The following DLG2 variants were observed in gnomAD, a reference collection of about 807,000 sequenced individuals.
DLG2 encodes disks large homolog 2.
In DLG2, 45 loss-of-function variants were observed where a neutral mutation model predicts 132.5. The observed-to-expected ratio is 0.34, with a 90% CI of 0.27 to 0.44. The LOEUF (loss-of-function observed/expected upper bound fraction) is 0.44. DLG2 is among the 20% of genes least tolerant of loss of function. The pLI, the probability that DLG2 is intolerant of heterozygous loss-of-function variation, is 1.00. For missense variants in DLG2, 1,045 were observed against 1,196.9 expected (o/e 0.87, Z 1.87); for synonymous variants, 424 against 419.6 (o/e 1.01, Z -0.13).
At chr11:84,089,870 C>A (rs748894070) in intron 10 of DLG2, among the ~76,000 whole-genome samples, 2 of 152,244 alleles carry the variant, frequency 1.3e-5, no homozygotes, top group Middle Eastern at 3.4e-3. Flanking sequence ...GCTGTGGATG[C>A]CTTTAATAAA....
intron 7 of DLG2, among the ~76,000 whole-genome samples, chr11:84,456,748 T>C (rs1322188761): frequency 6.6e-6 from 1 of 151,284 alleles, no homozygotes; most frequent in Non-Finnish European, 1.5e-5. Flanking sequence ...TTCACTTATT[T>C]ATTTTGTTTC....
At chr11:83,466,134 C>G (rs1024769775) in intron 26 of DLG2, among the ~76,000 whole-genome samples, 1 of 152,072 alleles carries the variant, frequency 6.6e-6, no homozygotes, top group African/African-American at 2.4e-5. Flanking sequence ...TAAGAAAACT[C>G]TATTAAGAAC....
chr11:83,595,700 T>G (rs1016975322), intron 19 of DLG2, among the ~76,000 whole-genome samples: 1 of 152,224 alleles, frequency 6.6e-6, no homozygotes, highest in Non-Finnish European at 1.5e-5. Context: ...TCCAGCCTTT[T>G]GGAGACACCA....
chr11:84,949,166 G>A (rs144882202), intron 6 of DLG2, among the ~76,000 whole-genome samples: 142 of 152,220 alleles, frequency 9.3e-4, no homozygotes, highest in Non-Finnish European at 1.1e-3. Context: ...CACATTGGTA[G>A]GATCCGTGAT....
At chr11:85,401,987 A>AC (rs1321053673) in intron 3 of DLG2, among the ~76,000 whole-genome samples, 1 of 151,364 alleles carries the variant, frequency 6.6e-6, no homozygotes, top group African/African-American at 2.4e-5. Context: ...TTAATAAAAA[A>AC]CTACTTTTAA....
chr11:84,192,466 C>T (rs954246952), intron 8 of DLG2, among the ~76,000 whole-genome samples: 5 of 152,178 alleles, frequency 3.3e-5, no homozygotes, highest in Non-Finnish European at 5.9e-5. Context: ...CACGGTGGCT[C>T]ACGCCTCTAA....
intron 6 of DLG2, among the ~76,000 whole-genome samples, chr11:84,586,150 CA>C (rs71036429): frequency 2.2e-4 from 30 of 133,356 alleles, no homozygotes; most frequent in Non-Finnish European, 2.5e-4. Flanking sequence ...GATTCTGACT[CA>C]AAAAAAAAAA....
At chr11:84,004,115 A>T (rs1243569887) in intron 11 of DLG2, among the ~76,000 whole-genome samples, 1 of 152,070 alleles carries the variant, frequency 6.6e-6, no homozygotes, top group African/African-American at 2.4e-5. Flanking sequence ...TGATACCAAA[A>T]CCTAAGGACA....
intron 6 of DLG2, among the ~76,000 whole-genome samples, chr11:84,859,138 C>G (rs1257736484): frequency 6.6e-6 from 1 of 151,598 alleles, no homozygotes; most frequent in Non-Finnish European, 1.5e-5. Flanking sequence ...TTCTTGCAAC[C>G]TAGTAGGTAA....
At chr11:84,090,532 A>G (rs938006904) in intron 10 of DLG2, among the ~76,000 whole-genome samples, 4 of 152,212 alleles carry the variant, frequency 2.6e-5, no homozygotes, top group Admixed American at 2.6e-4. Context: ...CTCTTAATCA[A>G]GTAAATGCAA....
intron 3 of DLG2, among the ~76,000 whole-genome samples, chr11:85,402,493 G>T (rs1284240554): frequency 6.6e-6 from 1 of 152,104 alleles, no homozygotes; most frequent in African/African-American, 2.4e-5. Context: ...AGACAAATGG[G>T]ATCTAATTAA....
At chr11:84,447,373 G>T (rs893666306) in intron 7 of DLG2, among the ~76,000 whole-genome samples, 1 of 152,038 alleles carries the variant, frequency 6.6e-6, no homozygotes, top group African/African-American at 2.4e-5. Context: ...AATCACAATA[G>T]TCTAGACAGA....
intron 6 of DLG2, among the ~76,000 whole-genome samples, chr11:85,011,130 C>G (rs1006290676): frequency 3.9e-5 from 6 of 152,108 alleles, no homozygotes; most frequent in African/African-American, 1.4e-4. Flanking sequence ...TACAAACAAG[C>G]CTTGAGCATT....
intron 9 of DLG2, among the ~76,000 whole-genome samples, chr11:84,130,226 G>C (rs1008943598): frequency 2.0e-5 from 3 of 151,788 alleles, no homozygotes; most frequent in African/African-American, 7.3e-5. Flanking sequence ...TTAATAAAAT[G>C]TTTCAAAGTA....
At chr11:84,286,369 A>G (rs918626515) in intron 7 of DLG2, among the ~76,000 whole-genome samples, 1 of 152,174 alleles carries the variant, frequency 6.6e-6, no homozygotes, top group Non-Finnish European at 1.5e-5. Flanking sequence ...AAAAAAGTCA[A>G]TAGCTCTCCT....
At chr11:83,855,697 C>A (rs2060428756) in intron 16 of DLG2, among the ~76,000 whole-genome samples, 2 of 152,024 alleles carry the variant, frequency 1.3e-5, no homozygotes, top group Admixed American at 6.6e-5. Flanking sequence ...AAAGAAGATA[C>A]AATTTTTAAA....
At chr11:84,983,273 G>T (rs1189287275) in intron 6 of DLG2, among the ~76,000 whole-genome samples, 1 of 152,082 alleles carries the variant, frequency 6.6e-6, no homozygotes, top group Non-Finnish European at 1.5e-5. Flanking sequence ...TACTGTGCTG[G>T]TATCCATGGC....
intron 3 of DLG2, among the ~76,000 whole-genome samples, chr11:85,524,640 G>A (rs1040228942): frequency 1.3e-5 from 2 of 151,910 alleles, no homozygotes; most frequent in Admixed American, 6.6e-5. Context: ...CTACAGTCTC[G>A]CACTGCCACA....
chr11:85,525,342 T>C lies in DLG2; in HGVS notation c.40+73315A>G, dbSNP rs184799494. On this transcript the variant is annotated intron_variant, in intron 3 of 27. Transcript: ENST00000376104. Reference sequence around the variant, plus strand: ...GTATTTGATGTAAAATGTTAAAACCTTTCCCAGTGAGGTCAGGAATGAAAC... The same window carrying C: ...GTATTTGATGTAAAATGTTAAAACCCTTCCCAGTGAGGTCAGGAATGAAAC... Among the ~76,000 whole-genome samples the C allele has an allele frequency of 8.5e-4, 129 of 152,314 alleles. 1 individual carries two copies. The highest frequency in any genetic ancestry group is 3.0e-3 in the African/African-American group (125 of 41,576).
Sources: allele counts gnomAD v4.1 joint callset (sites outside exome capture counted in the v4.1 genomes callset), GRCh38; gene constraint gnomAD v4.1.1; transcripts MANE v1.5; gene names NCBI Gene and HGNC (gene_info 2026-07-23, HGNC 2026-07-21).